Variants in PARPBP observed in about 807,000 individuals in gnomAD.
PARPBP encodes PARP1 binding protein.
PARPBP carries 52 observed loss-of-function variants against 50.0 expected under a neutral mutation model. The observed-to-expected ratio is 1.04, with a 90% CI of 0.83 to 1.31. PARPBP has a LOEUF of 1.31. Among genes scored for constraint, PARPBP ranks in the 50% most tolerant of loss-of-function variants. PARPBP has a pLI of 0.00. For synonymous variants in PARPBP, 244 were observed against 232.1 expected (o/e 1.05, Z -0.47); for missense variants, 697 against 672.0 (o/e 1.04, Z -0.41).
intron 2 of PARPBP, among the ~76,000 whole-genome samples, chr12:102,135,501 C>G (rs1883490966): frequency 1.5e-5 from 2 of 136,488 alleles, no homozygotes; most frequent in Admixed American, 7.8e-5. Context: ...GATCGCACCA[C>G]TGCACTCCAG....
rs527971203 is a variant in PARPBP, at chr12:102,171,446, TTGC to T, written c.822-4034_822-4032del. Among the ~76,000 whole-genome samples, 284 of 152,292 alleles carry T rather than the reference TTGC, an allele frequency of 1.9e-3. 1 individual carries two copies. Among genetic ancestry groups the T allele is most frequent in the Middle Eastern group, 0.01 (3 of 294 alleles). ...GGACTACCATCATATATGTGGTCTGTTGCTGACTGTAATGTTATTATACAGCAC... is the reference window on the plus strand; with the variant it reads ...GGACTACCATCATATATGTGGTCTGTTGACTGTAATGTTATTATACAGCAC... On this transcript the variant is annotated intron_variant, in intron 6 of 10. Transcript: ENST00000327680.
Position 102,164,565 on chromosome 12 carries a change from A to C in PARPBP, c.623A>C (p.Asp208Ala), listed in dbSNP as rs1256956756. 1.2e-6 allele frequency: 2 copies of C among 1,613,482 alleles called. No individual in the cohort carries two copies. Among genetic ancestry groups the C allele is most frequent in the Non-Finnish European group, 1.7e-6 (2 of 1,179,654 alleles). The change falls in exon 5 of 11, where the codon GAT becomes GCT. Residue 208 changes from aspartate to alanine, a missense_variant. Physicochemically the swap from Asp to Ala is moderately radical, Grantham distance 126. Coordinates refer to ENST00000327680, the MANE Select transcript of PARPBP (RefSeq NM_017915.5). Reference sequence around the variant, plus strand: ...GGACTAGGAAGAGAAGCCTTCACTGATTTGAAACATGCTGCTCGAGAGAAA... The same window carrying C: ...GGACTAGGAAGAGAAGCCTTCACTGCTTTGAAACATGCTGCTCGAGAGAAA... ...DRGLGREAFT[D>A]LKHAAREKQM...
In PARPBP at chr12:102,151,748, C is replaced by T. The variant is rs143836124; in HGVS notation, c.388-2121C>T. 51 of 1,535,618 alleles carry T rather than the reference C, an allele frequency of 3.3e-5. No individual in the cohort carries two copies. In the East Asian group the frequency reaches 4.4e-4, roughly 13 times the overall value. On this transcript the variant is annotated intron_variant, in intron 3 of 10. Coordinates refer to ENST00000327680, the MANE Select transcript of PARPBP (RefSeq NM_017915.5). ...TTCAGATTGCCTGGGATTCCCATCACGGTCCAGAAGAAGAGACGAGACCTG... is the reference window on the plus strand; with the variant it reads ...TTCAGATTGCCTGGGATTCCCATCATGGTCCAGAAGAAGAGACGAGACCTG...
chr12:102,144,776 A>G (rs1014382330), intron 2 of PARPBP, among the ~76,000 whole-genome samples: 2 of 152,154 alleles, frequency 1.3e-5, no homozygotes, highest in African/African-American at 4.8e-5. Context: ...GATTTATTTA[A>G]TTTACATAGC....
At chr12:102,189,865 C>A (rs1050745325) in intron 9 of PARPBP, among the ~76,000 whole-genome samples, 1 of 151,984 alleles carries the variant, frequency 6.6e-6, no homozygotes, top group South Asian at 2.1e-4. Context: ...CAAAAGTAAA[C>A]GGTGGAAATT....
chr12:102,137,195 C>T (rs1269017020), intron 2 of PARPBP, among the ~76,000 whole-genome samples: 1 of 152,122 alleles, frequency 6.6e-6, no homozygotes, highest in Non-Finnish European at 1.5e-5. Flanking sequence ...CTTCGTGATC[C>T]ACCCGCCTCG....
In PARPBP at chr12:102,134,762, C is replaced by T. The variant is rs552541326; in HGVS notation, c.153+10721C>T. 7.2e-5 allele frequency among the ~76,000 whole-genome samples: 11 copies of T among 152,214 alleles called. No individual in the cohort carries two copies. In the East Asian group the frequency reaches 1.2e-3, roughly 16 times the overall value. On this transcript the variant is annotated intron_variant, in intron 2 of 10. Coordinates refer to ENST00000327680, the MANE Select transcript of PARPBP (RefSeq NM_017915.5). Reference sequence around the variant, plus strand: ...GCACAATCATTGTTCACTGCAACCTCGACCTCCCCAGGCTTAGGTGATTTT... The same window carrying T: ...GCACAATCATTGTTCACTGCAACCTTGACCTCCCCAGGCTTAGGTGATTTT...
intron 2 of PARPBP, among the ~76,000 whole-genome samples, chr12:102,139,910 TG>T (rs1206445059): frequency 3.9e-5 from 6 of 152,366 alleles, no homozygotes; most frequent in Middle Eastern, 3.4e-3. Context: ...GATTTTCGCA[TG>T]GATGTTCATC....
chr12:102,124,528 T>C (rs555210473), intron 2 of PARPBP, among the ~76,000 whole-genome samples: 10 of 152,286 alleles, frequency 6.6e-5, no homozygotes, highest in Admixed American at 6.5e-4. Context: ...GATTAAGGGT[T>C]AGAGGTGTTC....
At chr12:102,155,149 C>T (rs570917628) in intron 4 of PARPBP, 3 of 168,500 alleles carry the variant, frequency 1.8e-5, no homozygotes, top group South Asian at 1.4e-4. Flanking sequence ...TTATGTCTCT[C>T]TAAAACATAT....
At chr12:102,165,630 C>G (rs1018976026) in intron 5 of PARPBP, 99 bp from the exon 6 acceptor site, 9 of 929,914 alleles carry the variant, frequency 9.7e-6, no homozygotes, top group African/African-American at 1.7e-5. Context: ...TCACTTTTAA[C>G]TGTATACCCA....
At chr12:102,185,058 A>G (rs1890182666) in intron 9 of PARPBP, among the ~76,000 whole-genome samples, 1 of 152,186 alleles carries the variant, frequency 6.6e-6, no homozygotes, top group Admixed American at 6.5e-5. Context: ...GGAGTAAATT[A>G]ACTCAGATTT....
Position 102,148,354 on chromosome 12 carries a change from A to T in PARPBP, c.278A>T (p.Lys93Met). Residue 93 changes from lysine to methionine, a missense_variant, in exon 3 of 11, where the codon AAG becomes ATG. Coordinates refer to ENST00000327680, the MANE Select transcript of PARPBP (RefSeq NM_017915.5). ...ACTGACCATTATGAGGACGTTAGGA[A>T]GATTTATGATGATTTCTTGAAGAAC... is the stretch of plus-strand genomic sequence containing the variant. ...DVTDHYEDVRKIYDDFLKNSN... is the reference protein window; with the variant it reads ...DVTDHYEDVRMIYDDFLKNSN... 6.3e-7 allele frequency: 1 copy of T among 1,589,106 alleles called. No homozygotes were observed. The highest frequency in any genetic ancestry group is 1.1e-5 in the South Asian group (1 of 90,508).
intron 9 of PARPBP, among the ~76,000 whole-genome samples, chr12:102,185,658 T>A (rs1427762791): frequency 2.0e-5 from 3 of 152,148 alleles, no homozygotes; most frequent in Admixed American, 6.5e-5. Flanking sequence ...TTTGCTGGGA[T>A]AATTTTTTTT....
At chr12:102,153,152 C>T (rs951035910) in intron 3 of PARPBP, among the ~76,000 whole-genome samples, 1 of 152,110 alleles carries the variant, frequency 6.6e-6, no homozygotes, top group African/African-American at 2.4e-5. Context: ...TGGACCTACC[C>T]AGAAGCAATT....
At chr12:102,144,588 C>T (rs939450733) in intron 2 of PARPBP, among the ~76,000 whole-genome samples, 1 of 152,104 alleles carries the variant, frequency 6.6e-6, no homozygotes, top group East Asian at 1.9e-4. Flanking sequence ...AAAACTTTTT[C>T]TCACAAGATC....
At chr12:102,143,327 C>T (rs1884910862) in intron 2 of PARPBP, among the ~76,000 whole-genome samples, 1 of 152,158 alleles carries the variant, frequency 6.6e-6, no homozygotes, top group Non-Finnish European at 1.5e-5. Context: ...TTGCTAAGAC[C>T]ATTGGAAAAG....
chr12:102,130,370 A>G (rs374396537), intron 2 of PARPBP, among the ~76,000 whole-genome samples: 18 of 152,214 alleles, frequency 1.2e-4, no homozygotes, highest in Non-Finnish European at 2.4e-4. Context: ...AATTGCAACA[A>G]AAGCAAAAAT....
At position 102,196,642 on chromosome 12, in the gene PARPBP, C is replaced by G; in HGVS notation, c.*351C>G. 6.3e-7 allele frequency: 1 copy of G among 1,599,094 alleles called. No individual in the cohort carries two copies. On this transcript the variant is annotated 3_prime_UTR_variant, in exon 11 of 11. Coordinates refer to ENST00000327680, the MANE Select transcript of PARPBP (RefSeq NM_017915.5). ...TTTTCTTCTGAAAAGATGATGTGGA[C>G]CAACAGGTATCAGACTTGCCAACAA...
Sources: gnomAD v4.1 joint callset for allele counts (sites outside exome capture counted in the v4.1 genomes callset) on GRCh38, gnomAD v4.1.1 for gene constraint, MANE v1.5 for transcripts, NCBI Gene and HGNC (gene_info 2026-07-23, HGNC 2026-07-21) for gene names.